Variants in PKD1L1 observed in about 807,000 individuals in gnomAD.
The protein encoded by PKD1L1 is polycystin 1 like 1, transient receptor potential channel interacting.
Under a neutral mutation model 323.4 loss-of-function variants are expected in PKD1L1, and 236 were observed. The ratio of observed to expected loss-of-function variants is 0.73; its 90% CI spans 0.66 to 0.81. The LOEUF (loss-of-function observed/expected upper bound fraction) is 0.81. Ranked by LOEUF, PKD1L1 falls within the 40% of genes least tolerant of loss-of-function variation. The probability of loss-of-function intolerance (pLI) is 0.00; values close to 1 mark genes in which losing one functional copy is unlikely to be tolerated. For missense variants in PKD1L1, 3,320 were observed against 3,508.0 expected, an observed-to-expected ratio of 0.95 and a Z score of 1.35; for synonymous variants, 1,344 against 1,335.0, an observed-to-expected ratio of 1.01 and a Z score of -0.15.
At chr7:47,922,385 G>A (rs1270831929) in intron 7 of PKD1L1, among the ~76,000 whole-genome samples, 1 of 151,970 alleles carries the variant, frequency 6.6e-6, no homozygotes, top group Non-Finnish European at 1.5e-5. Context: ...CGTCTGGGAT[G>A]TGAGGAGCCC....
intron 7 of PKD1L1, among the ~76,000 whole-genome samples, chr7:47,928,337 G>A (rs968634012): frequency 7.2e-5 from 11 of 152,222 alleles, no homozygotes; most frequent in Non-Finnish European, 1.3e-4. Context: ...GGGAGGCCCA[G>A]GCAGGCAGAT....
Position 47,908,094 on chromosome 7 carries a change from G to A in PKD1L1, c.1385C>T (p.Ser462Phe), listed in dbSNP as rs778975741. ...HEDEVLVFADSQVNQKSTVVI... is the reference protein window; with the variant it reads ...HEDEVLVFADFQVNQKSTVVI... ...CGTCTTACTTTTCTGATTCACTTGGGAGTCAGCAAAGACAAGCACTTCATC... is the reference window on the plus strand; with the variant it reads ...CGTCTTACTTTTCTGATTCACTTGGAAGTCAGCAAAGACAAGCACTTCATC... The change falls in exon 9 of 57, where the codon TCC becomes TTC. Residue 462 changes from serine (S) to phenylalanine (F), a missense_variant. Ser to Phe is a radical substitution (Grantham distance 155). Transcript: ENST00000289672. The A allele has an allele frequency of 5.0e-6, 8 of 1,613,804 alleles. No homozygotes were observed. Among genetic ancestry groups the A allele is most frequent in the Non-Finnish European group, 5.9e-6 (7 of 1,179,994 alleles).
chr7:47,857,683 CT>C lies in PKD1L1; in HGVS notation c.4511del (p.Glu1504GlyfsTer50). On this transcript the variant is annotated frameshift_variant, in exon 28 of 57. Transcript: ENST00000289672. LOFTEE classifies it high-confidence loss of function. ...DLAGHSPAGA[E>X]TQSPCYISQL... ...GGCTAATGTAGCATGGGCTCTGTGTCTCCGCCCCAGCAGGACTGTGCCCAGC... is the reference window on the plus strand; with the variant it reads ...GGCTAATGTAGCATGGGCTCTGTGTCCCGCCCCAGCAGGACTGTGCCCAGC... The C allele has an allele frequency of 6.2e-7, 1 of 1,614,180 alleles. No homozygotes were observed. Among genetic ancestry groups the C allele is most frequent in the Non-Finnish European group, 8.5e-7 (1 of 1,180,044 alleles).
chr7:47,902,326 CAGAG>C, intron 13 of PKD1L1, 49 bp downstream of exon 13: 1 of 1,599,962 alleles, frequency 6.3e-7, no homozygotes, highest in Non-Finnish European at 8.5e-7. Context: ...GGTCCCAACT[CAGAG>C]GGAGGCTGAA....
intron 41 of PKD1L1, 113 bp downstream of exon 41, chr7:47,832,977 A>C: frequency 2.9e-6 from 4 of 1,361,070 alleles, no homozygotes; most frequent in Admixed American, 2.5e-5. Flanking sequence ...AGATGAGACT[A>C]GAGTATTCAG....
At chr7:47,899,738 C>A (rs535316803) in intron 13 of PKD1L1, among the ~76,000 whole-genome samples, 1 of 151,988 alleles carries the variant, frequency 6.6e-6, no homozygotes, top group Non-Finnish European at 1.5e-5. Flanking sequence ...GGGCGGATCA[C>A]GAGGTCAGGA....
At chr7:47,819,539 C>T (rs779549086) in intron 46 of PKD1L1, 10 of 1,359,708 alleles carry the variant, frequency 7.4e-6, no homozygotes, top group African/African-American at 1.5e-5. Context: ...TGCACTTGCA[C>T]GGATAGGAGA....
Position 47,881,982 on chromosome 7 carries a change from G to A in PKD1L1, c.3369C>T (p.Ala1123=), listed in dbSNP as rs748998631. The A allele has an allele frequency of 3.1e-6, 5 of 1,613,986 alleles. No homozygotes were observed. The highest frequency in any genetic ancestry group is 1.1e-5 in the South Asian group (1 of 91,050). The part of the protein sequence containing the change: ...LVDPSLSAGR[A]EPVLMIDWPK... ...GCCAGTCAATCATGAGGACAGGCTC[G>A]GCTCTGCCTGCAGACAGGGAGGGGT... The change falls in exon 20 of 57, where the codon GCC becomes GCT. Residue 1123 remains alanine (A), a synonymous_variant. Transcript: ENST00000289672.
the PKD1L1 span, chr7:47,957,215 A>T: frequency 5.8e-6 from 1 of 172,544 alleles, no homozygotes; most frequent in Non-Finnish European, 1.3e-5. Flanking sequence ...GAAACCTCCA[A>T]CAAAGTAGCT....
rs773715080 is a variant in PKD1L1, at chr7:47,890,704, G to C, written c.2513C>G (p.Thr838Ser). 7.7e-5 allele frequency: 124 copies of C among 1,613,548 alleles called. No homozygotes were observed. The highest frequency in any genetic ancestry group is 9.9e-5 in the Non-Finnish European group (117 of 1,180,044). Reference sequence around the variant, plus strand: ...AGCCGCGGCATCCAGTTGGTGTGCAGTGGAGGAGTCGAAGCAGGGATGTGC... The same window carrying C: ...AGCCGCGGCATCCAGTTGGTGTGCACTGGAGGAGTCGAAGCAGGGATGTGC... ...SPAHPCFDSS[T>S]AHQLDAAAPT... The change falls in exon 16 of 57, where the codon ACT becomes AGT. Residue 838 changes from threonine to serine, a missense_variant. Physicochemically the swap from Thr to Ser is moderately conservative, Grantham distance 58. Coordinates refer to ENST00000289672, the MANE Select transcript of PKD1L1 (RefSeq NM_138295.5).
At position 47,855,265 on chromosome 7, in the gene PKD1L1, T is replaced by C. The variant is rs772847862; in HGVS notation, c.4591A>G (p.Ile1531Val). The change falls in exon 29 of 57, where the codon ATT becomes GTT. Residue 1531 changes from isoleucine (I) to valine (V), a missense_variant and splice_region_variant. Transcript: ENST00000289672. ...AGGTTGAGGCCCACAACTCCACCAA[T>C]CTTGGGGAACAAAGACCATCTCAGA... ...PYPGSQAPGQ[I>V]GGVVGLNLYT... is the part of the protein sequence containing the mutation. The C allele has an allele frequency of 8.7e-6, 14 of 1,610,572 alleles. No homozygotes were observed. In the South Asian group the frequency reaches 1.4e-4, roughly 16 times the overall value.
rs781278961 is a variant in PKD1L1, at chr7:47,842,954, C to T, written c.5445+8G>A. 3.7e-6 allele frequency: 6 copies of T among 1,609,512 alleles called. No homozygotes were observed. In the East Asian group the frequency reaches 8.9e-5, roughly 24 times the overall value. On this transcript the variant is annotated splice_region_variant and intron_variant, in intron 34 of 56. Coordinates refer to ENST00000289672, the MANE Select transcript of PKD1L1 (RefSeq NM_138295.5). ...CCATCAAAGAGTACCCCCAGATGCT[C>T]GAGCTACCTTTGAGGTCAACCTGGC...
rs140697706 is a variant in PKD1L1 at position 47,826,443 on chromosome 7, C to T, written c.6854+907G>A. On this transcript the variant is annotated intron_variant, in intron 45 of 56. Coordinates refer to ENST00000289672, the MANE Select transcript of PKD1L1 (RefSeq NM_138295.5). ...CTTTAAATGTGACATCCTAACACAA[C>T]CGCAGCTCTTCTCCTTGGAAAGGGA... is the stretch of plus-strand genomic sequence containing the variant. Among the ~76,000 whole-genome samples the T allele has an allele frequency of 5.8e-4, 89 of 152,258 alleles. 1 individual carries two copies. The highest frequency in any genetic ancestry group is 2.0e-3 in the African/African-American group (81 of 41,538).
intron 9 of PKD1L1, among the ~76,000 whole-genome samples, chr7:47,906,662 G>T (rs1787213094): frequency 6.6e-6 from 1 of 151,982 alleles, no homozygotes; most frequent in African/African-American, 2.4e-5. Context: ...TAAGAAAGGA[G>T]GGTTATTTAT....
chr7:47,911,699 A>T (rs909632885), intron 8 of PKD1L1, among the ~76,000 whole-genome samples: 9 of 152,208 alleles, frequency 5.9e-5, no homozygotes, highest in African/African-American at 2.2e-4. Context: ...TACAAAATAG[A>T]CGCAAAAACT....
chr7:47,825,811 T>G (rs1202250527), intron 45 of PKD1L1, among the ~76,000 whole-genome samples: 2 of 152,218 alleles, frequency 1.3e-5, no homozygotes, highest in African/African-American at 4.8e-5. Flanking sequence ...AATATGGTCT[T>G]GTATTAAATC....
intron 18 of PKD1L1, among the ~76,000 whole-genome samples, chr7:47,885,300 T>C (rs1223341354): frequency 6.6e-6 from 1 of 152,054 alleles, no homozygotes; most frequent in Non-Finnish European, 1.5e-5. Context: ...ATTATTACCT[T>C]TTCTCTCCAT....
intron 56 of PKD1L1, among the ~76,000 whole-genome samples, chr7:47,790,282 A>T (rs1786909534): frequency 6.6e-6 from 1 of 152,100 alleles, no homozygotes; most frequent in African/African-American, 2.4e-5. Flanking sequence ...TCATATGCAC[A>T]TTTAAACAGT....
intron 24 of PKD1L1, among the ~76,000 whole-genome samples, chr7:47,870,329 A>G (rs533424001): frequency 6.6e-6 from 1 of 152,244 alleles, no homozygotes; most frequent in African/African-American, 2.4e-5. Flanking sequence ...TTTTTTGAAA[A>G]CATCAACAAA....
Sources: allele counts gnomAD v4.1 joint callset (sites outside exome capture counted in the v4.1 genomes callset), GRCh38; gene constraint gnomAD v4.1.1; transcripts MANE v1.5; gene names NCBI Gene and HGNC (gene_info 2026-07-23, HGNC 2026-07-21).